The following IGF1R variants were observed in gnomAD, a reference collection of about 807,000 sequenced individuals.
IGF1R encodes insulin-like growth factor 1 receptor.
Under a neutral mutation model 144.6 loss-of-function variants are expected in IGF1R, and 44 were observed. The ratio of observed to expected loss-of-function variants is 0.30; its 90% CI spans 0.24 to 0.39. The LOEUF (loss-of-function observed/expected upper bound fraction) is 0.39, where lower values mean the gene tolerates loss of function less well. IGF1R is among the 10% of genes least tolerant of loss of function. The pLI is 1.00. For synonymous variants in IGF1R, 795 were observed against 722.8 expected (o/e 1.10, Z -1.60); for missense variants, 1,355 against 1,833.7 (o/e 0.74, Z 4.77).
chr15:98,716,490 A>C (rs1285219043), intron 2 of IGF1R, among the ~76,000 whole-genome samples: 1 of 152,240 alleles, frequency 6.6e-6, no homozygotes, highest in East Asian at 1.9e-4. Flanking sequence ...GTAGAAACCC[A>C]AAATCTAGAC....
chr15:98,894,131 G>A (rs1267525814), intron 3 of IGF1R, among the ~76,000 whole-genome samples: 1 of 151,894 alleles, frequency 6.6e-6, no homozygotes, highest in Non-Finnish European at 1.5e-5. Flanking sequence ...CTGGAGTGCA[G>A]TGGCACAATC....
chr15:98,835,482 C>T (rs991853886), intron 2 of IGF1R, among the ~76,000 whole-genome samples: 9 of 152,190 alleles, frequency 5.9e-5, no homozygotes, highest in Non-Finnish European at 1.0e-4. Context: ...TTGTTTCTCT[C>T]GACAGAGTGG....
At chr15:98,767,614 CGAATCTTGTAGGTA>C (rs1314084301) in intron 2 of IGF1R, among the ~76,000 whole-genome samples, 1 of 152,130 alleles carries the variant, frequency 6.6e-6, no homozygotes, top group Non-Finnish European at 1.5e-5. Context: ...GCAAGTGCAG[CGAATCTTGTAGGTA>C]GATTTACCTT....
intron 2 of IGF1R, among the ~76,000 whole-genome samples, chr15:98,774,551 G>A (rs916247424): frequency 6.6e-5 from 10 of 152,182 alleles, no homozygotes; most frequent in Non-Finnish European, 1.3e-4. Context: ...GCAACAGCGT[G>A]AATGAACCTT....
chr15:98,692,101 C>T (rs1412419669), intron 1 of IGF1R, among the ~76,000 whole-genome samples: 3 of 151,916 alleles, frequency 2.0e-5, no homozygotes, highest in African/African-American at 4.8e-5. Flanking sequence ...TTTGGGAGTC[C>T]GAGGCGGGCA....
intron 6 of IGF1R, 21 bp from the exon 7 acceptor site, chr15:98,911,294 C>G: frequency 6.2e-7 from 1 of 1,613,946 alleles, no homozygotes; most frequent in East Asian, 2.2e-5. Flanking sequence ...CTGTCACTCA[C>G]GGATGTACTC....
intron 2 of IGF1R, among the ~76,000 whole-genome samples, chr15:98,871,118 C>T (rs576300306): frequency 6.6e-6 from 1 of 152,320 alleles, no homozygotes; most frequent in African/African-American, 2.4e-5. Context: ...GATATCCAGC[C>T]CACTGATCCA....
At chr15:98,847,208 C>A (rs970449121) in intron 2 of IGF1R, among the ~76,000 whole-genome samples, 16 of 152,224 alleles carry the variant, frequency 1.1e-4, no homozygotes, top group East Asian at 5.8e-4. Context: ...AACTCCTGAC[C>A]TCAAGTGATC....
In IGF1R at chr15:98,764,725, GTT is replaced by G. The variant is rs567859919; in HGVS notation, c.640+56621_640+56622del. ...TTCCAGCTCCACTGAGTGCCCCTGT[GTT>G]TTCAGAGAAAACAGGAGTCTGTTTT... On this transcript the variant is annotated intron_variant, in intron 2 of 20. Transcript: ENST00000650285. Among the ~76,000 whole-genome samples the G allele has an allele frequency of 1.5e-3, 232 of 152,266 alleles. 3 individuals are homozygous for G. Among genetic ancestry groups the G allele is most frequent in the African/African-American group, 5.2e-3 (218 of 41,550 alleles).
At chr15:98,768,121 A>G (rs1471401207) in intron 2 of IGF1R, among the ~76,000 whole-genome samples, 2 of 152,168 alleles carry the variant, frequency 1.3e-5, no homozygotes, top group Non-Finnish European at 2.9e-5. Flanking sequence ...CTGGCTGCCA[A>G]CTAAAAAGCC....
At chr15:98,684,602 A>C (rs1468272208) in intron 1 of IGF1R, among the ~76,000 whole-genome samples, 1 of 152,204 alleles carries the variant, frequency 6.6e-6, no homozygotes, top group Non-Finnish European at 1.5e-5. Context: ...TCTGAATGTT[A>C]TACAAACATA....
chr15:98,942,153 T>G (rs757823826), intron 18 of IGF1R, among the ~76,000 whole-genome samples: 6 of 152,176 alleles, frequency 3.9e-5, no homozygotes, highest in Non-Finnish European at 7.3e-5. Flanking sequence ...TTCCCCCTTA[T>G]TAAGCAGTGA....
At chr15:98,845,505 C>CCCTCCTCCTCCTT (rs1294197629) in intron 2 of IGF1R, among the ~76,000 whole-genome samples, 10 of 134,126 alleles carry the variant, frequency 7.5e-5, no homozygotes, top group African/African-American at 2.5e-4. Flanking sequence ...TTCTCCTCCT[C>CCCTCCTCCTCCTT]CCTCCTCCTC....
intron 2 of IGF1R, among the ~76,000 whole-genome samples, chr15:98,872,041 C>T (rs1263322438): frequency 1.3e-5 from 2 of 152,210 alleles, no homozygotes; most frequent in Non-Finnish European, 2.9e-5. Context: ...ACCCTACCTC[C>T]ACCACCCCAG....
chr15:98,741,886 A>AATTTGTCTAGATTTCTG (rs1567105536), intron 2 of IGF1R, among the ~76,000 whole-genome samples: 1 of 151,962 alleles, frequency 6.6e-6, no homozygotes, highest in African/African-American at 2.4e-5. Flanking sequence ...CTAGATTTCT[A>AATTTGTCTAGATTTCTG]TGTAATTTGT....
intron 2 of IGF1R, among the ~76,000 whole-genome samples, chr15:98,853,566 C>T (rs2011631652): frequency 6.6e-6 from 1 of 152,196 alleles, no homozygotes; most frequent in Non-Finnish European, 1.5e-5. Flanking sequence ...GAAAAATAAT[C>T]TATGAAGATG....
intron 9 of IGF1R, among the ~76,000 whole-genome samples, 176 bp downstream of exon 9, chr15:98,916,307 G>T (rs938165018): frequency 1.3e-5 from 2 of 148,342 alleles, no homozygotes; most frequent in African/African-American, 5.0e-5. Context: ...TGTTGCCCAG[G>T]CTGGAGTGCA....
rs560868130 is a variant in IGF1R, at chr15:98,919,022, A to T, written c.2201+2146A>T. ...ACCTTGAGGTTCAGTGCCCAAGGCC[A>T]TTTTCTTATCCAGGATATCTTTGTA... On this transcript the variant is annotated intron_variant, in intron 10 of 20. Transcript: ENST00000650285. Among the ~76,000 whole-genome samples the T allele has an allele frequency of 2.6e-5, 4 of 152,196 alleles. No individual in the cohort carries two copies. In the South Asian group the frequency reaches 8.3e-4, roughly 31 times the overall value.
chr15:98,684,261 TGATA>T (rs779299998), intron 1 of IGF1R, among the ~76,000 whole-genome samples: 23 of 68,850 alleles, frequency 3.3e-4, no homozygotes, highest in Admixed American at 1.4e-4. Context: ...TGGCAGCCTC[TGATA>T]GATCTTAAAT....
Sources: allele counts gnomAD v4.1 joint callset (sites outside exome capture counted in the v4.1 genomes callset), GRCh38; gene constraint gnomAD v4.1.1; transcripts MANE v1.5; gene names NCBI Gene and HGNC (gene_info 2026-07-23, HGNC 2026-07-21).